The following PDXDC1 variants were observed in gnomAD, a reference collection of about 807,000 sequenced individuals.
PDXDC1 encodes the protein pyridoxal dependent decarboxylase domain containing 1.
In PDXDC1, 42 loss-of-function variants were observed where a neutral mutation model predicts 100.1. The observed-to-expected ratio is 0.42, with a 90% CI of 0.33 to 0.54. The LOEUF (loss-of-function observed/expected upper bound fraction) is 0.54, where lower values mean the gene tolerates loss of function less well. PDXDC1 is among the 20% of genes least tolerant of loss of function. The pLI, the probability that PDXDC1 is intolerant of heterozygous loss-of-function variation, is 0.10. For missense variants in PDXDC1, 636 were observed against 979.2 expected, an observed-to-expected ratio of 0.65 and a Z score of 4.68; for synonymous variants, 260 against 371.7, an observed-to-expected ratio of 0.70 and a Z score of 3.46.
chr16:15,055,809 T>C (rs1006773757), intron 16 of PDXDC1: 2 of 737,816 alleles, frequency 2.7e-6, no homozygotes, highest in Admixed American at 4.4e-5. Flanking sequence ...GTTTCAAGTC[T>C]GTGTCGCGTG....
intron 16 of PDXDC1, among the ~76,000 whole-genome samples, chr16:15,046,246 C>T (rs866665059): frequency 6.6e-6 from 1 of 152,212 alleles, no homozygotes; most frequent in Non-Finnish European, 1.5e-5. Flanking sequence ...GCAAATCTCT[C>T]CCAGAGAACT....
At chr16:15,022,578 AACC>A in intron 12 of PDXDC1, 123 bp from the exon 13 acceptor site, 1 of 748,670 alleles carries the variant, frequency 1.3e-6, no homozygotes, top group South Asian at 2.1e-5. Context: ...TGAACTTAGA[AACC>A]ACCAAGTGGC....
chr16:15,111,170 T>C (rs2047041271), intron 16 of PDXDC1, among the ~76,000 whole-genome samples: 1 of 147,440 alleles, frequency 6.8e-6, no homozygotes, highest in Admixed American at 6.8e-5. Context: ...CACACAAGAA[T>C]GACGAGGCTG....
intron 16 of PDXDC1, chr16:15,137,819 C>T (rs1489763995): frequency 3.2e-6 from 5 of 1,572,022 alleles, no homozygotes; most frequent in South Asian, 1.1e-5. Context: ...AGGCCCAGCA[C>T]ACGTGGCTGC....
chr16:15,131,249 C>A, intron 16 of PDXDC1: 1 of 1,592,236 alleles, frequency 6.3e-7, no homozygotes. Flanking sequence ...GGCACCTTCA[C>A]GGTGATGGCG....
downstream of PDXDC1, chr16:15,040,339 C>T (rs180812754): frequency 3.1e-5 from 12 of 381,984 alleles, no homozygotes; most frequent in East Asian, 4.4e-4. Flanking sequence ...TTCCTTCAGT[C>T]GGACATGTAG....
intron 3 of PDXDC1, 47 bp downstream of exon 3, chr16:14,998,452 T>G (rs760339343): frequency 1.3e-6 from 2 of 1,589,244 alleles, no homozygotes; most frequent in African/African-American, 2.7e-5. Context: ...TGTAAATTTT[T>G]GTTTGTTTCT....
At chr16:15,141,739 A>G (rs962851403), downstream of PDXDC1, among the ~76,000 whole-genome samples, 1 of 152,160 alleles carries the variant, frequency 6.6e-6, no homozygotes, top group African/African-American at 2.4e-5. Context: ...CTAGGCATCC[A>G]CACCATCCCC....
chr16:15,011,511 A>C (rs1038926382), intron 8 of PDXDC1, among the ~76,000 whole-genome samples: 1 of 152,298 alleles, frequency 6.6e-6, no homozygotes, highest in African/African-American at 2.4e-5. Context: ...AGGATACAAA[A>C]TATGTGAACC....
chr16:15,132,590 G>C (rs918588611), intron 16 of PDXDC1: 2 of 739,984 alleles, frequency 2.7e-6, no homozygotes, highest in Admixed American at 4.1e-5. Context: ...AGAGACCGAG[G>C]AACGCCATGG....
chr16:15,002,733 C>T (rs1218888701), intron 4 of PDXDC1, among the ~76,000 whole-genome samples: 1 of 152,162 alleles, frequency 6.6e-6, no homozygotes. Context: ...AAATTTCCCT[C>T]CATGGAGTTG....
intron 14 of PDXDC1, among the ~76,000 whole-genome samples, chr16:15,027,171 G>A (rs2042672104): frequency 6.6e-6 from 1 of 152,296 alleles, no homozygotes; most frequent in African/African-American, 2.4e-5. Context: ...TTCTCCACCT[G>A]GCAGAGAGGG....
intron 16 of PDXDC1, among the ~76,000 whole-genome samples, chr16:15,129,706 C>T (rs915735810): frequency 1.3e-5 from 2 of 152,064 alleles, no homozygotes; most frequent in African/African-American, 4.8e-5. Context: ...CTGTCCTAGT[C>T]CTCAGGGACA....
At chr16:15,060,269 G>A in intron 16 of PDXDC1, 1 of 326,708 alleles carries the variant, frequency 3.1e-6, no homozygotes, top group South Asian at 2.5e-5. Flanking sequence ...CATTTTGCCA[G>A]CAGTTAAAAA....
intron 16 of PDXDC1, among the ~76,000 whole-genome samples, chr16:15,046,467 C>T (rs2044068041): frequency 6.6e-6 from 1 of 152,082 alleles, no homozygotes; most frequent in African/African-American, 2.4e-5. Flanking sequence ...TCCAGCACAT[C>T]GAGCCTCAGT....
downstream of PDXDC1, chr16:15,038,486 C>CTA: frequency 5.2e-6 from 4 of 770,516 alleles, no homozygotes; most frequent in Non-Finnish European, 8.7e-6. Flanking sequence ...GGGAAAGCAG[C>CTA]TATGACCTGG....
chr16:15,029,249 G>C (rs2042873672), intron 15 of PDXDC1: 1 of 598,282 alleles, frequency 1.7e-6, no homozygotes, highest in Non-Finnish European at 3.0e-6. Flanking sequence ...AGCTGCGGTG[G>C]GTTCTGGTGA....
intron 16 of PDXDC1, among the ~76,000 whole-genome samples, chr16:15,079,317 GT>G (rs1484966093): frequency 1.3e-5 from 2 of 152,084 alleles, no homozygotes; most frequent in African/African-American, 4.8e-5. Context: ...CTTAAACAAA[GT>G]TTTAACTGTT....
At chr16:15,053,019 C>T (rs937508463) in intron 16 of PDXDC1, among the ~76,000 whole-genome samples, 7 of 152,224 alleles carry the variant, frequency 4.6e-5, no homozygotes, top group Admixed American at 6.5e-5. Context: ...GGATGGCCAC[C>T]GTCTATATTC....
Sources: gnomAD v4.1 joint callset for allele counts (sites outside exome capture counted in the v4.1 genomes callset) on GRCh38, gnomAD v4.1.1 for gene constraint, MANE v1.5 for transcripts, NCBI Gene and HGNC (gene_info 2026-07-23, HGNC 2026-07-21) for gene names.